Variants in HPSE2 observed in about 807,000 individuals in gnomAD.
HPSE2 encodes inactive heparanase-2.
Under a neutral mutation model 60.5 loss-of-function variants are expected in HPSE2, and 38 were observed. The ratio of observed to expected loss-of-function variants is 0.63; its 90% CI spans 0.48 to 0.82. HPSE2 has a LOEUF of 0.82. Ranked by LOEUF, HPSE2 falls within the 40% of genes least tolerant of loss-of-function variation. The probability of loss-of-function intolerance (pLI) is 0.00; values close to 1 mark genes in which losing one functional copy is unlikely to be tolerated. For synonymous variants in HPSE2, 295 were observed against 293.2 expected, an observed-to-expected ratio of 1.01 and a Z score of -0.06; for missense variants, 713 against 740.4, an observed-to-expected ratio of 0.96 and a Z score of 0.43.
At chr10:99,188,723 C>T (rs1416913722) in intron 2 of HPSE2, among the ~76,000 whole-genome samples, 5 of 152,092 alleles carry the variant, frequency 3.3e-5, no homozygotes, top group Admixed American at 3.3e-4. Context: ...ACTTGGAAGG[C>T]AGGATAAATG....
chr10:98,771,484 C>T lies in HPSE2; in HGVS notation c.611-27428G>A, dbSNP rs1173752776. Among the ~76,000 whole-genome samples the T allele has an allele frequency of 2.0e-5, 3 of 152,220 alleles. No homozygotes were observed. The East Asian group carries it at 5.8e-4, about 29-fold the overall frequency. On this transcript the variant is annotated intron_variant, in intron 3 of 11. Coordinates refer to ENST00000370552, the MANE Select transcript of HPSE2 (RefSeq NM_021828.5). The stretch of plus-strand genomic sequence containing the variant: ...TATCCCTGCAAGGCAACAGTTGATC[C>T]CTTTGGGAGCCACTCCCACCTCCTC...
chr10:99,022,008 A>T (rs1589530952), intron 3 of HPSE2, among the ~76,000 whole-genome samples: 1 of 150,540 alleles, frequency 6.6e-6, no homozygotes, highest in African/African-American at 2.4e-5. Flanking sequence ...CGTCATTTAC[A>T]TTAGGTATAT....
intron 3 of HPSE2, among the ~76,000 whole-genome samples, chr10:98,951,209 CA>C (rs747291655): frequency 1.3e-5 from 2 of 152,132 alleles, no homozygotes; most frequent in Non-Finnish European, 2.9e-5. Context: ...TGGATGACAA[CA>C]GTAAGACTAA....
At chr10:98,488,091 G>A (rs113866149) in intron 10 of HPSE2, among the ~76,000 whole-genome samples, 1 of 133,202 alleles carries the variant, frequency 7.5e-6, no homozygotes, top group East Asian at 1.9e-4. Context: ...ACTGATAGAA[G>A]CCCAGTGACA....
At chr10:98,722,477 A>G (rs1053137545) in intron 4 of HPSE2, among the ~76,000 whole-genome samples, 2 of 152,044 alleles carry the variant, frequency 1.3e-5, no homozygotes, top group African/African-American at 4.8e-5. Context: ...TCAGAGAAGC[A>G]ATTTTTGTTG....
At chr10:99,247,843 G>C in the HPSE2 span, among the ~76,000 whole-genome samples, 1 of 152,186 alleles carries the variant, frequency 6.6e-6, no homozygotes, top group Admixed American at 6.5e-5. Context: ...GAGTTCTCAT[G>C]AGATTGGGTT....
At chr10:99,074,039 G>C (rs1032323513) in intron 3 of HPSE2, among the ~76,000 whole-genome samples, 6 of 142,454 alleles carry the variant, frequency 4.2e-5, no homozygotes, top group African/African-American at 1.6e-4. Context: ...TTTCTGATTT[G>C]GTTGACTTTT....
In HPSE2 at chr10:98,558,211, T is replaced by A. The variant is rs138938525; in HGVS notation, c.1320+56693A>T. On this transcript the variant is annotated intron_variant, in intron 9 of 11. Coordinates refer to ENST00000370552, the MANE Select transcript of HPSE2 (RefSeq NM_021828.5). ...TATAAGTTTATACACCTTGGCAGTA[T>A]CTATTAAAGCCAAATGTAAACATGT... Among the ~76,000 whole-genome samples, 578 of 152,272 alleles carry A rather than the reference T, an allele frequency of 3.8e-3. 6 individuals are homozygous for A. Among genetic ancestry groups the A allele is most frequent in the African/African-American group, 0.013 (539 of 41,542 alleles).
intron 11 of HPSE2, among the ~76,000 whole-genome samples, chr10:98,466,387 G>A (rs1564898233): frequency 6.6e-6 from 1 of 152,106 alleles, no homozygotes. Context: ...GCCGAGGCAG[G>A]CGGATCACAA....
chr10:98,882,833 C>T (rs1251166754), intron 3 of HPSE2, among the ~76,000 whole-genome samples: 2 of 152,060 alleles, frequency 1.3e-5, no homozygotes, highest in Admixed American at 1.3e-4. Context: ...TTCTTTACAA[C>T]AATACTATGG....
chr10:99,216,324 A>C (rs990430014), intron 2 of HPSE2, among the ~76,000 whole-genome samples: 17 of 150,252 alleles, frequency 1.1e-4, no homozygotes, highest in African/African-American at 3.9e-4. Context: ...CCTCCTGAGT[A>C]GCTTGGATTA....
rs1253300654 is a variant in HPSE2, at chr10:98,939,040, G to C, written c.611-194984C>G. ...CTTTACAGACAAGCAAATGCTGAGA[G>C]ATTTTGTCACCACCAGGCCTGCCCT... On this transcript the variant is annotated intron_variant, in intron 3 of 11. Coordinates refer to ENST00000370552, the MANE Select transcript of HPSE2 (RefSeq NM_021828.5). Among the ~76,000 whole-genome samples, 6 of 143,926 alleles carry C rather than the reference G, an allele frequency of 4.2e-5. 2 individuals carry two copies. Among genetic ancestry groups the C allele is most frequent in the Admixed American group, 4.1e-4 (6 of 14,492 alleles). The allele number at this position is 143,926 out of a possible 152,430, so 94.4% of individuals were successfully genotyped here.
intron 2 of HPSE2, among the ~76,000 whole-genome samples, chr10:99,224,282 A>G (rs1018812877): frequency 1.3e-5 from 2 of 152,134 alleles, no homozygotes; most frequent in African/African-American, 2.4e-5. Flanking sequence ...TGTACAAGGT[A>G]TGTAAACCTT....
chr10:98,595,951 G>A (rs1443224614), intron 9 of HPSE2, among the ~76,000 whole-genome samples: 2 of 152,082 alleles, frequency 1.3e-5, no homozygotes, highest in African/African-American at 2.4e-5. Flanking sequence ...TACATCTATT[G>A]AAATGATTAT....
At chr10:99,309,658 G>A in the HPSE2 span, among the ~76,000 whole-genome samples, 3 of 152,124 alleles carry the variant, frequency 2.0e-5, no homozygotes, top group Non-Finnish European at 1.5e-5. Flanking sequence ...ATTCTACAAA[G>A]ACAGAACTGA....
intron 3 of HPSE2, among the ~76,000 whole-genome samples, chr10:99,106,199 A>C (rs1269755027): frequency 2.0e-5 from 3 of 152,162 alleles, no homozygotes; most frequent in Admixed American, 6.6e-5. Flanking sequence ...TAATTTGAGG[A>C]AAACTGTCAT....
At position 98,459,657 on chromosome 10, in the gene HPSE2, CG is replaced by C; in HGVS notation, c.1695del (p.Gly566AlafsTer87). On this transcript the variant is annotated frameshift_variant, in exon 12 of 12. Coordinates refer to ENST00000370552, the MANE Select transcript of HPSE2 (RefSeq NM_021828.5). LOFTEE classifies it high-confidence loss of function. ...ACTGGAGGGATGACCAATGTCCGGC[CG>C]GCCCGAAGGGGGCGGGGCTTCAATT... ...LPELKPRPLR[A>X]GRTLVIPPVT... 1 of 1,614,140 alleles carries C rather than the reference CG, an allele frequency of 6.2e-7. No individual in the cohort carries two copies.
At chr10:99,053,884 C>T (rs539131858) in intron 3 of HPSE2, among the ~76,000 whole-genome samples, 66 of 151,198 alleles carry the variant, frequency 4.4e-4, no homozygotes, top group Non-Finnish European at 7.7e-4. Context: ...CACGCTGCCA[C>T]GCCCAGATAA....
intron 2 of HPSE2, among the ~76,000 whole-genome samples, chr10:99,180,153 A>G (rs1433760105): frequency 6.6e-6 from 1 of 152,234 alleles, no homozygotes; most frequent in East Asian, 1.9e-4. Context: ...AAAATCATAA[A>G]AACCCTAGAA....
Sources: allele counts gnomAD v4.1 joint callset (sites outside exome capture counted in the v4.1 genomes callset), GRCh38; gene constraint gnomAD v4.1.1; transcripts MANE v1.5; gene names NCBI Gene and HGNC (gene_info 2026-07-23, HGNC 2026-07-21).